NUSAP1: variants seen among roughly 807,000 people sequenced by gnomAD.
NUSAP1 encodes the protein nucleolar and spindle-associated protein 1.
Under a neutral mutation model 52.8 loss-of-function variants are expected in NUSAP1, and 32 were observed. The observed-to-expected ratio is 0.61, with a 90% CI of 0.46 to 0.81. NUSAP1 has a LOEUF of 0.81. NUSAP1 is among the 40% of genes least tolerant of loss of function. The pLI is 0.00. For missense variants in NUSAP1, 499 were observed against 522.3 expected, an observed-to-expected ratio of 0.96 and a Z score of 0.43; for synonymous variants, 195 against 183.1, an observed-to-expected ratio of 1.06 and a Z score of -0.52.
chr15:41,374,394 G>C lies in NUSAP1; in HGVS notation c.1007-1318G>C, dbSNP rs1206377865. On this transcript the variant is annotated intron_variant, in intron 8 of 10. Coordinates refer to ENST00000559596, the MANE Select transcript of NUSAP1 (RefSeq NM_016359.5). ...AAAGAGAGCTAGAGAAAATTCTATG[G>C]GGTCCCTATATAAGGCCCTGAATCC... 2.0e-5 allele frequency among the ~76,000 whole-genome samples: 3 copies of C among 151,984 alleles called. No individual in the cohort carries two copies. In the East Asian group the frequency reaches 5.8e-4, roughly 29 times the overall value.
intron 6 of NUSAP1, among the ~76,000 whole-genome samples, chr15:41,359,912 C>T (rs1394596101): frequency 1.3e-5 from 2 of 151,990 alleles, no homozygotes; most frequent in Non-Finnish European, 2.9e-5. Context: ...CATGCATGAG[C>T]CATTGCTCCC....
At chr15:41,335,023 C>G (rs1321501976) in intron 1 of NUSAP1, among the ~76,000 whole-genome samples, 1 of 151,966 alleles carries the variant, frequency 6.6e-6, no homozygotes, top group Non-Finnish European at 1.5e-5. Flanking sequence ...GCACTATTCT[C>G]TCTACTTTTT....
chr15:41,364,371 C>G (rs2049302144), intron 6 of NUSAP1, among the ~76,000 whole-genome samples: 1 of 151,168 alleles, frequency 6.6e-6, no homozygotes, highest in Non-Finnish European at 1.5e-5. Flanking sequence ...CACAGTGAAA[C>G]CCCGTCTCTA....
In NUSAP1 at chr15:41,333,908, T is replaced by C. The variant is rs181745884; in HGVS notation, c.93+858T>C. The stretch of plus-strand genomic sequence containing the variant: ...ACTTCGGTGACAGAGAGAGACTCAG[T>C]CTCAAACAAAACAAAAACAAACAAA... On this transcript the variant is annotated intron_variant, in intron 1 of 10. Coordinates refer to ENST00000559596, the MANE Select transcript of NUSAP1 (RefSeq NM_016359.5). Among the ~76,000 whole-genome samples the C allele has an allele frequency of 2.4e-3, 362 of 152,220 alleles. 5 individuals are homozygous for C. In the South Asian group the frequency reaches 0.029, roughly 12 times the overall value.
intron 6 of NUSAP1, among the ~76,000 whole-genome samples, 187 bp downstream of exon 6, chr15:41,358,445 G>A (rs893007706): frequency 3.3e-5 from 5 of 152,150 alleles, no homozygotes; most frequent in African/African-American, 7.2e-5. Flanking sequence ...AGATAAAACA[G>A]TGAATCCATG....
chr15:41,344,822 T>A (rs1279478528), intron 2 of NUSAP1, among the ~76,000 whole-genome samples: 1 of 151,950 alleles, frequency 6.6e-6, no homozygotes. Context: ...ACAGCTGTAC[T>A]CCCAGCTACT....
chr15:41,339,596 G>C (rs1235160541), intron 1 of NUSAP1, among the ~76,000 whole-genome samples: 2 of 151,404 alleles, frequency 1.3e-5, no homozygotes, highest in Admixed American at 6.6e-5. Flanking sequence ...TTTTAGTAGA[G>C]ACAGGGTTTC....
chr15:41,336,523 C>G (rs1196677010), intron 1 of NUSAP1, among the ~76,000 whole-genome samples: 3 of 151,896 alleles, frequency 2.0e-5, no homozygotes, highest in African/African-American at 7.3e-5. Context: ...CAGCTATGTG[C>G]TTAATCTTTG....
At chr15:41,373,612 G>A (rs1203280579) in intron 8 of NUSAP1, among the ~76,000 whole-genome samples, 1 of 151,168 alleles carries the variant, frequency 6.6e-6, no homozygotes. Flanking sequence ...ACCACGCCCG[G>A]CTAATTTTTG....
At chr15:41,377,503 T>G (rs1276326849) in intron 10 of NUSAP1, among the ~76,000 whole-genome samples, 199 bp downstream of exon 10, 1 of 150,456 alleles carries the variant, frequency 6.6e-6, no homozygotes, top group Admixed American at 6.7e-5. Flanking sequence ...ATCGAAACCA[T>G]CCTGGCTAAC....
Position 41,380,211 on chromosome 15 carries a change from T to G in NUSAP1, c.*25T>G. 1 of 1,474,796 alleles carries G rather than the reference T, an allele frequency of 6.8e-7. No individual in the cohort carries two copies. Among genetic ancestry groups the G allele is most frequent in the Non-Finnish European group, 9.2e-7 (1 of 1,090,198 alleles). 91.4% of individuals were successfully genotyped at this position (1,474,796 alleles called of 1,614,324 possible). A position where few individuals can be genotyped will look rare whatever the true frequency, so the allele number is the denominator to read the frequency against. ...ATAATTTTTTAACATCTTGTAAATA[T>G]TCCTGTATTCTCAACTTTTTTCCTT... On this transcript the variant is annotated 3_prime_UTR_variant, in exon 11 of 11. Coordinates refer to ENST00000559596, the MANE Select transcript of NUSAP1 (RefSeq NM_016359.5).
rs543593516 is a variant in NUSAP1, at chr15:41,363,335, C to A, written c.661-2067C>A. ...CCTGTCTGTGTGTGTGTCTCTCTCTCTCTCTATATATATATACAATTTTTA... is the reference window on the plus strand; with the variant it reads ...CCTGTCTGTGTGTGTGTCTCTCTCTATCTCTATATATATATACAATTTTTA... On this transcript the variant is annotated intron_variant, in intron 6 of 10. Transcript: ENST00000559596. 4.2e-3 allele frequency among the ~76,000 whole-genome samples: 620 copies of A among 149,040 alleles called. 7 individuals carry two copies. Among genetic ancestry groups the A allele is most frequent in the African/African-American group, 0.014 (571 of 40,852 alleles).
chr15:41,358,234 A>G lies in NUSAP1; in HGVS notation c.636A>G (p.Glu212=). The G allele has an allele frequency of 6.6e-7, 1 of 1,519,924 alleles. No homozygotes were observed. The highest frequency in any genetic ancestry group is 1.2e-5 in the South Asian group (1 of 86,516). 94.2% of individuals were successfully genotyped at this position (1,519,924 alleles called of 1,614,324 possible). A position where few individuals can be genotyped will look rare whatever the true frequency, so the allele number is the denominator to read the frequency against. The change falls in exon 6 of 11, where the codon GAA becomes GAG. Residue 212 remains glutamate, a synonymous_variant. Transcript: ENST00000559596. The part of the protein sequence containing the change: ...YIERKKKHFE[E]HNSMNELKQQ... ...AGAGAAAAAAGAAACATTTTGAAGA[A>G]CACAATTCCATGAATGAACTGAAGG...
Position 41,365,490 on chromosome 15 carries a change from G to A in NUSAP1, c.749G>A (p.Arg250His), listed in dbSNP as rs374910966. Residue 250 changes from arginine to histidine, a missense_variant, in exon 7 of 11, where the codon CGC becomes CAC. Physicochemically the swap from Arg to His is conservative, Grantham distance 29 (BLOSUM62 0). Coordinates refer to ENST00000559596, the MANE Select transcript of NUSAP1 (RefSeq NM_016359.5). ...SVASTPISQR[R>H]SQGRSCGPAS... Reference sequence around the variant, plus strand: ...GCTTCTACTCCCATCAGCCAACGACGCTCGCAAGGCCGGTCTTGTGGCCCT... The same window carrying A: ...GCTTCTACTCCCATCAGCCAACGACACTCGCAAGGCCGGTCTTGTGGCCCT... The A allele has an allele frequency of 7.8e-5, 125 of 1,612,580 alleles. No homozygotes were observed. In the African/African-American group the frequency reaches 1.3e-3, roughly 17 times the overall value.
At chr15:41,374,567 C>T (rs944241954) in intron 8 of NUSAP1, among the ~76,000 whole-genome samples, 2 of 152,072 alleles carry the variant, frequency 1.3e-5, no homozygotes, top group Non-Finnish European at 1.5e-5. Context: ...GTCTCACTGT[C>T]GCCAGGCTGG....
intron 3 of NUSAP1, 94 bp downstream of exon 3, chr15:41,349,335 T>C: frequency 7.8e-7 from 1 of 1,274,876 alleles, no homozygotes; most frequent in South Asian, 1.4e-5. Flanking sequence ...TGTGATGTCA[T>C]GTGTTTGTAA....
intron 1 of NUSAP1, among the ~76,000 whole-genome samples, chr15:41,340,374 A>G (rs1214553693): frequency 1.3e-5 from 2 of 151,968 alleles, no homozygotes; most frequent in Admixed American, 6.6e-5. Flanking sequence ...TTTGCATCAT[A>G]ATACCTGACG....
At chr15:41,359,081 T>C (rs2049076765) in intron 6 of NUSAP1, among the ~76,000 whole-genome samples, 1 of 152,144 alleles carries the variant, frequency 6.6e-6, no homozygotes, top group Non-Finnish European at 1.5e-5. Flanking sequence ...TGGTATCTGG[T>C]GTTAAGGCAG....
chr15:41,344,501 G>C (rs2048485479), intron 2 of NUSAP1, among the ~76,000 whole-genome samples: 1 of 151,988 alleles, frequency 6.6e-6, no homozygotes, highest in Non-Finnish European at 1.5e-5. Context: ...AACCAGGCGT[G>C]GTGGTGGGCG....
Sources: allele counts gnomAD v4.1 joint callset (sites outside exome capture counted in the v4.1 genomes callset), GRCh38; gene constraint gnomAD v4.1.1; transcripts MANE v1.5; gene names NCBI Gene and HGNC (gene_info 2026-07-23, HGNC 2026-07-21).